GTF2H1: variants seen among roughly 807,000 people sequenced by gnomAD.
GTF2H1 encodes BTF2 p62.
GTF2H1 carries 16 observed loss-of-function variants against 71.2 expected under a neutral mutation model. That is an observed-to-expected ratio of 0.22 (90% CI 0.15 to 0.34). GTF2H1 has a LOEUF of 0.34. Ranked by LOEUF, GTF2H1 falls within the 10% of genes least tolerant of loss-of-function variation. The pLI is 1.00. For synonymous variants in GTF2H1, 215 were observed against 219.0 expected (o/e 0.98, Z 0.16); for missense variants, 498 against 648.2 (o/e 0.77, Z 2.52).
chr11:18,341,557 A>G lies in GTF2H1; in HGVS notation c.787A>G (p.Lys263Glu), dbSNP rs1319924716. ...AAAAACAATGGTTTCATTAGGAGTG[A>G]AAAACCCACTACTAGATTTAACAGC... is the stretch of plus-strand genomic sequence containing the variant. ...GLKTMVSLGVKNPLLDLTALE... is the reference protein window; with the variant it reads ...GLKTMVSLGVENPLLDLTALE... The change falls in exon 7 of 15, where the codon AAA (lysine) becomes GAA (glutamate). Residue 263 changes from lysine to glutamate, a missense_variant. Around this residue, in one of 3 missense-constraint regions of GTF2H1, gnomAD observed 16 missense variants for 40.5 expected, o/e 0.40. Transcript: ENST00000265963. 6.2e-7 allele frequency: 1 copy of G among 1,611,488 alleles called. No homozygotes were observed. The highest frequency in any genetic ancestry group is 8.5e-7 in the Non-Finnish European group (1 of 1,178,206).
intron 1 of GTF2H1, chr11:18,324,135 C>G (rs1033171407): frequency 2.6e-5 from 4 of 152,282 alleles, no homozygotes; most frequent in African/African-American, 7.2e-5. Flanking sequence ...ACTGCAACCT[C>G]CATCTACCGG....
At chr11:18,353,735 T>C (rs2133982870) in intron 11 of GTF2H1, among the ~76,000 whole-genome samples, 2 of 152,362 alleles carry the variant, frequency 1.3e-5, no homozygotes, top group African/African-American at 4.8e-5. Context: ...ACTTTTTATT[T>C]TGAAATCTCA....
At chr11:18,356,489 C>G (rs1161824491) in intron 11 of GTF2H1, among the ~76,000 whole-genome samples, 1 of 151,938 alleles carries the variant, frequency 6.6e-6, no homozygotes, top group Non-Finnish European at 1.5e-5. Context: ...ACATAACCAA[C>G]CTGGGATTAT....
rs954087265 is a variant in GTF2H1, at chr11:18,365,937, T to C, written c.*68T>C. 4 of 1,062,716 alleles carry C rather than the reference T, an allele frequency of 3.8e-6. No individual in the cohort carries two copies. In the African/African-American group the frequency reaches 6.2e-5, roughly 17 times the overall value. 65.8% of individuals were successfully genotyped at this position (1,062,716 alleles called of 1,614,324 possible). A position where few individuals can be genotyped will look rare whatever the true frequency, so the allele number is the denominator to read the frequency against. The stretch of plus-strand genomic sequence containing the variant: ...ATGACCTGCAGCAACTCTGGAAACC[T>C]GGCCTGACAGACAAGCAGATGACCT... On this transcript the variant is annotated 3_prime_UTR_variant, in exon 15 of 15. Transcript: ENST00000265963.
chr11:18,356,983 G>A (rs1308662200), intron 11 of GTF2H1, among the ~76,000 whole-genome samples: 1 of 151,960 alleles, frequency 6.6e-6, no homozygotes, highest in Non-Finnish European at 1.5e-5. Context: ...TGTAGAGACA[G>A]GGTTTCACCA....
At chr11:18,359,855 C>T (rs1201608661) in intron 13 of GTF2H1, among the ~76,000 whole-genome samples, 1 of 151,794 alleles carries the variant, frequency 6.6e-6, no homozygotes, top group Non-Finnish European at 1.5e-5. Context: ...GGACTACAGG[C>T]ATGAGCCACT....
At chr11:18,336,082 GT>G (rs1378456831) in intron 3 of GTF2H1, 136 bp downstream of exon 3, 29 of 490,818 alleles carry the variant, frequency 5.9e-5, no homozygotes, top group Non-Finnish European at 7.6e-5. Flanking sequence ...TTTTGTTTTT[GT>G]TTTGTTTGTT....
In GTF2H1 at chr11:18,360,674, A is replaced by C. The variant is rs772713183; in HGVS notation, c.1527A>C (p.Gln509His). ...AAGTTACGAAGCTCTGTCCATTCCA[A>C]GAAAAGATTCGGAGACAGTATTTAA... ...RFQVTKLCPFQEKIRRQYLST... is the reference protein window; with the variant it reads ...RFQVTKLCPFHEKIRRQYLST... The change falls in exon 14 of 15, where the codon CAA becomes CAC. Residue 509 changes from glutamine to histidine, a missense_variant. Physicochemically the swap from Gln to His is conservative, Grantham distance 24. This residue lies in a region of GTF2H1 where 266 missense variants were observed against 301.6 expected (regional missense o/e 0.88). Coordinates refer to ENST00000265963, the MANE Select transcript of GTF2H1 (RefSeq NM_005316.4). The C allele has an allele frequency of 3.7e-5, 58 of 1,573,072 alleles. No homozygotes were observed. Among genetic ancestry groups the C allele is most frequent in the Non-Finnish European group, 4.6e-5 (54 of 1,163,698 alleles).
chr11:18,329,433 G>A (rs1864844013), intron 1 of GTF2H1, among the ~76,000 whole-genome samples: 2 of 152,184 alleles, frequency 1.3e-5, no homozygotes, highest in Admixed American at 6.5e-5. Flanking sequence ...CAACCATGAC[G>A]CTTCCTTCAG....
At chr11:18,335,428 T>G (rs552975263) in intron 2 of GTF2H1, among the ~76,000 whole-genome samples, 2 of 152,312 alleles carry the variant, frequency 1.3e-5, no homozygotes, top group African/African-American at 4.8e-5. Context: ...TTGTTTAAAA[T>G]ACATTCAGGA....
In GTF2H1 at chr11:18,357,908, AAAAG is replaced by A. The variant is rs755126421; in HGVS notation, c.1261-43_1261-40del. 36 of 1,195,374 alleles carry A rather than the reference AAAAG, an allele frequency of 3.0e-5. No homozygotes were observed. In the African/African-American group the frequency reaches 4.0e-4, roughly 13 times the overall value. The allele number at this position is 1,195,374 out of a possible 1,614,324, so 74.0% of individuals were successfully genotyped here. ...TAAGAAAGAGAGGTGGCAAAAAAAA[AAAAG>A]GGAGGAAAACCAGTTTTAATGCATC... On this transcript the variant is annotated intron_variant, in intron 11 of 14. Transcript: ENST00000265963.
At chr11:18,356,274 A>G (rs1019926829) in intron 11 of GTF2H1, among the ~76,000 whole-genome samples, 7 of 150,902 alleles carry the variant, frequency 4.6e-5, no homozygotes, top group African/African-American at 1.7e-4. Context: ...GCTACTCGGG[A>G]GGCTGAGGCA....
chr11:18,333,429 A>T, intron 2 of GTF2H1: 2 of 395,048 alleles, frequency 5.1e-6, no homozygotes, highest in Non-Finnish European at 8.9e-6. Flanking sequence ...TACATATAAT[A>T]TGTAAATCTA....
chr11:18,336,209 C>T, intron 3 of GTF2H1, among the ~76,000 whole-genome samples: 1 of 152,144 alleles, frequency 6.6e-6, no homozygotes, highest in Non-Finnish European at 1.5e-5. Context: ...TCGCTGCAAC[C>T]TCCACCTCCC....
At chr11:18,360,809 T>A in intron 14 of GTF2H1, 102 bp downstream of exon 14, 2 of 387,914 alleles carry the variant, frequency 5.2e-6, no homozygotes, top group East Asian at 4.9e-5. Flanking sequence ...TTAATTTTCT[T>A]TTTTTTTTTT....
chr11:18,353,482 T>C (rs1019101542), intron 11 of GTF2H1, among the ~76,000 whole-genome samples: 2 of 152,198 alleles, frequency 1.3e-5, no homozygotes, highest in African/African-American at 4.8e-5. Flanking sequence ...TCACATTATC[T>C]CCTTCATGCT....
chr11:18,330,973 CTTTTTTCCCTGTA>C (rs1178713284), intron 1 of GTF2H1, among the ~76,000 whole-genome samples: 1 of 152,168 alleles, frequency 6.6e-6, no homozygotes, highest in Non-Finnish European at 1.5e-5. Flanking sequence ...TAAGGTTTCA[CTTTTTTCCCTGTA>C]TTTTTTATTT....
At chr11:18,343,680 C>T (rs1398538733) in intron 7 of GTF2H1, among the ~76,000 whole-genome samples, 1 of 152,194 alleles carries the variant, frequency 6.6e-6, no homozygotes, top group Non-Finnish European at 1.5e-5. Flanking sequence ...CTTGACATCT[C>T]CTCTCAGGTA....
intron 1 of GTF2H1, among the ~76,000 whole-genome samples, chr11:18,331,970 C>T (rs1453357733): frequency 1.3e-5 from 2 of 152,090 alleles, no homozygotes; most frequent in African/African-American, 2.4e-5. Context: ...AGCAATTCTC[C>T]CCCTTTGGCC....
Sources: gnomAD v4.1 joint callset for allele counts (sites outside exome capture counted in the v4.1 genomes callset) on GRCh38, gnomAD v4.1.1 for gene constraint, gnomAD v4.1.1 regional missense constraint, MANE v1.5 for transcripts, NCBI Gene and HGNC (gene_info 2026-07-23, HGNC 2026-07-21) for gene names.